MBNL1: variants seen among roughly 807,000 people sequenced by gnomAD.
The protein encoded by MBNL1 is muscleblind like splicing regulator 1.
Under a neutral mutation model 42.2 loss-of-function variants are expected in MBNL1, and 8 were observed. The observed-to-expected ratio is 0.19, with a 90% CI of 0.11 to 0.34. The LOEUF is 0.34. MBNL1 is among the 10% of genes least tolerant of loss of function. The pLI is 1.00. For synonymous variants in MBNL1, 169 were observed against 173.9 expected, an observed-to-expected ratio of 0.97 and a Z score of 0.22; for missense variants, 309 against 495.3, an observed-to-expected ratio of 0.62 and a Z score of 3.57.
At chr3:152,385,823 A>G (rs1277269525) in intron 2 of MBNL1, among the ~76,000 whole-genome samples, 1 of 152,052 alleles carries the variant, frequency 6.6e-6, no homozygotes, top group Non-Finnish European at 1.5e-5. Flanking sequence ...CACTATGTCT[A>G]GAATTCTTGT....
At chr3:152,388,004 C>T (rs2097524809) in intron 2 of MBNL1, among the ~76,000 whole-genome samples, 5 of 152,126 alleles carry the variant, frequency 3.3e-5, no homozygotes, top group Admixed American at 2.0e-4. Context: ...GCCTACAGCT[C>T]CCTGTAAAAT....
chr3:152,308,557 C>G (rs779404068), intron 2 of MBNL1, among the ~76,000 whole-genome samples: 1 of 152,130 alleles, frequency 6.6e-6, no homozygotes, highest in Non-Finnish European at 1.5e-5. Flanking sequence ...ACCTGTGTAA[C>G]CTTTAGGGTG....
At chr3:152,332,741 C>T (rs73869990) in intron 2 of MBNL1, among the ~76,000 whole-genome samples, 9,213 of 79,762 alleles carry the variant, frequency 0.12, 349 homozygotes, top group African/African-American at 0.21. Flanking sequence ...TGTGTGTGTG[C>T]GCGCGCGCAT....
At chr3:152,402,559 A>C (rs2098272663) in intron 2 of MBNL1, among the ~76,000 whole-genome samples, 1 of 152,202 alleles carries the variant, frequency 6.6e-6, no homozygotes, top group Admixed American at 6.5e-5. Flanking sequence ...GTATATGAGA[A>C]GCTTACAAGC....
intron 2 of MBNL1, among the ~76,000 whole-genome samples, chr3:152,377,552 T>A (rs145340469): frequency 1.9e-4 from 29 of 152,344 alleles, no homozygotes; most frequent in African/African-American, 7.0e-4. Flanking sequence ...TAGAACTGTG[T>A]ATAGTACACA....
intron 1 of MBNL1, among the ~76,000 whole-genome samples, chr3:152,290,316 A>G (rs189553224): frequency 5.9e-5 from 9 of 151,992 alleles, no homozygotes; most frequent in Non-Finnish European, 1.0e-4. Context: ...TTTTTAAATT[A>G]TATCTGTCAT....
chr3:152,279,597 A>AAGC (rs2047222361), intron 1 of MBNL1, among the ~76,000 whole-genome samples: 1 of 151,752 alleles, frequency 6.6e-6, no homozygotes, highest in Admixed American at 6.6e-5. Context: ...GGATTTGTAA[A>AAGC]AAAAATAAAA....
intron 4 of MBNL1, among the ~76,000 whole-genome samples, chr3:152,433,546 C>A (rs1044160300): frequency 2.8e-4 from 42 of 151,778 alleles, no homozygotes; most frequent in South Asian, 1.0e-3. Flanking sequence ...GACAGGAGAT[C>A]GAGACCATCC....
intron 3 of MBNL1, among the ~76,000 whole-genome samples, chr3:152,431,510 A>G (rs915322520): frequency 6.6e-6 from 1 of 152,210 alleles, no homozygotes; most frequent in Non-Finnish European, 1.5e-5. Context: ...TGAATACTAC[A>G]TATATTCAGA....
intron 2 of MBNL1, among the ~76,000 whole-genome samples, chr3:152,365,005 A>C (rs557670123): frequency 2.0e-4 from 31 of 152,172 alleles, no homozygotes; most frequent in African/African-American, 7.2e-4. Context: ...GTTGTCTTTG[A>C]CAATTGACCT....
intron 2 of MBNL1, among the ~76,000 whole-genome samples, chr3:152,258,694 C>T (rs2035804060): frequency 3.3e-5 from 5 of 152,190 alleles, no homozygotes; most frequent in Admixed American, 2.0e-4. Flanking sequence ...CAGTGTTTTC[C>T]TTTTAGTCAC....
At chr3:152,330,833 G>GA (rs2083899481) in intron 2 of MBNL1, among the ~76,000 whole-genome samples, 1 of 152,080 alleles carries the variant, frequency 6.6e-6, no homozygotes, top group Admixed American at 6.6e-5. Flanking sequence ...GTATGTATAG[G>GA]AAAAATAATA....
Position 152,417,340 on chromosome 3 carries a change from G to A in MBNL1, c.345+2229G>A, listed in dbSNP as rs371869011. ...TAGAGGAAGCCAGGTGACTAATGTGGAAAAGGGTTGCCACTCAGAGAGAAT... is the reference window on the plus strand; with the variant it reads ...TAGAGGAAGCCAGGTGACTAATGTGAAAAAGGGTTGCCACTCAGAGAGAAT... On this transcript the variant is annotated intron_variant, in intron 3 of 9. Coordinates refer to ENST00000324210, the MANE Select transcript of MBNL1 (RefSeq NM_021038.5). Among the ~76,000 whole-genome samples the A allele has an allele frequency of 7.5e-4, 114 of 152,310 alleles. 1 individual carries two copies. In the East Asian group the frequency reaches 0.018, roughly 24 times the overall value.
chr3:152,346,322 A>G (rs919165101), intron 2 of MBNL1, among the ~76,000 whole-genome samples: 10 of 152,174 alleles, frequency 6.6e-5, no homozygotes, highest in African/African-American at 2.4e-4. Context: ...TCAATGTCAT[A>G]GAGTCAGAAA....
chr3:152,396,044 C>T lies in MBNL1; in HGVS notation c.175-18897C>T, dbSNP rs150650611. On this transcript the variant is annotated intron_variant, in intron 2 of 9. Coordinates refer to ENST00000324210, the MANE Select transcript of MBNL1 (RefSeq NM_021038.5). The stretch of plus-strand genomic sequence containing the variant: ...CTGCCTCCTGTCAGATCAGTGACAA[C>T]GTGTTGGATTCTCATAGGAGTGTGA... 88 of 162,176 alleles carry T rather than the reference C, an allele frequency of 5.4e-4. No individual in the cohort carries two copies. In the East Asian group the frequency reaches 0.013, roughly 24 times the overall value. The allele number at this position is 162,176 out of a possible 1,614,324, so 10.0% of individuals were successfully genotyped here. A position where few individuals can be genotyped will look rare whatever the true frequency, so the allele number is the denominator to read the frequency against.
chr3:152,300,115 T>G lies in MBNL1; in HGVS notation c.-79T>G. On this transcript the variant is annotated 5_prime_UTR_variant, in exon 2 of 10. Coordinates refer to ENST00000324210, the MANE Select transcript of MBNL1 (RefSeq NM_021038.5). ...TTTTCATCATCAGTTCAGCTTTTTT[T>G]TTTTGGTTGTTGCTCTTTTTTGGGG... The G allele has an allele frequency of 2.2e-6, 2 of 898,250 alleles. No individual in the cohort carries two copies. The highest frequency in any genetic ancestry group is 1.9e-5 in the South Asian group (1 of 52,520). 55.6% of individuals were successfully genotyped at this position (898,250 alleles called of 1,614,324 possible).
At position 152,288,189 on chromosome 3, in the gene MBNL1, A is replaced by G. The variant is rs184945963; in HGVS notation, c.-789-11216A>G. On this transcript the variant is annotated intron_variant, in intron 1 of 9. Coordinates refer to ENST00000324210, the MANE Select transcript of MBNL1 (RefSeq NM_021038.5). ...CAGGTACTTTATTCTGTAGACTGTTATTTAATAACTAAGAAAGAGAGTTTG... is the reference window on the plus strand; with the variant it reads ...CAGGTACTTTATTCTGTAGACTGTTGTTTAATAACTAAGAAAGAGAGTTTG... Among the ~76,000 whole-genome samples, 399 of 152,338 alleles carry G rather than the reference A, an allele frequency of 2.6e-3. 5 individuals are homozygous for G. The highest frequency in any genetic ancestry group is 9.0e-3 in the African/African-American group (376 of 41,574).
intron 2 of MBNL1, among the ~76,000 whole-genome samples, chr3:152,321,993 G>A (rs2076726164): frequency 6.6e-6 from 1 of 151,846 alleles, no homozygotes; most frequent in Non-Finnish European, 1.5e-5. Context: ...GTTTATTCTT[G>A]TTTTAGATAC....
At chr3:152,363,476 C>T (rs2096139252) in intron 2 of MBNL1, among the ~76,000 whole-genome samples, 1 of 152,088 alleles carries the variant, frequency 6.6e-6, no homozygotes, top group Non-Finnish European at 1.5e-5. Context: ...TCATGGAAGA[C>T]CAAGTTTCTG....
Sources: allele counts gnomAD v4.1 joint callset (sites outside exome capture counted in the v4.1 genomes callset), GRCh38; gene constraint gnomAD v4.1.1; transcripts MANE v1.5; gene names NCBI Gene and HGNC (gene_info 2026-07-23, HGNC 2026-07-21).